HCN3: variants seen among roughly 807,000 people sequenced by gnomAD.
HCN3 encodes the protein hyperpolarization activated cyclic nucleotide gated potassium channel 3.
Under a neutral mutation model 56.8 loss-of-function variants are expected in HCN3, and 36 were observed. The observed-to-expected ratio is 0.63, with a 90% CI of 0.49 to 0.84. The LOEUF is 0.84. Ranked by LOEUF, HCN3 falls within the 40% of genes least tolerant of loss-of-function variation. The pLI, the probability that HCN3 is intolerant of heterozygous loss-of-function variation, is 0.00. For missense variants in HCN3, 930 were observed against 1,079.3 expected (o/e 0.86, Z 1.94); for synonymous variants, 425 against 439.7 (o/e 0.97, Z 0.42).
Position 155,287,923 on chromosome 1 carries a change from G to T in HCN3, c.1785G>T (p.Gln595His). The change falls in exon 8 of 8, where the codon CAG becomes CAT. Residue 595 changes from glutamine (Q) to histidine (H), a missense_variant. Physicochemically the swap from Gln to His is conservative, Grantham distance 24. Coordinates refer to ENST00000368358, the MANE Select transcript of HCN3 (RefSeq NM_020897.3). ...VRGRAPSTGA[Q>H]LSGKPVLWEP... ...GTCGGGCCCCGAGCACAGGAGCTCAGCTTAGTGGAAAGCCAGTACTGTGGG... is the reference window on the plus strand; with the variant it reads ...GTCGGGCCCCGAGCACAGGAGCTCATCTTAGTGGAAAGCCAGTACTGTGGG... The T allele has an allele frequency of 6.2e-7, 1 of 1,614,054 alleles. No homozygotes were observed. Among genetic ancestry groups the T allele is most frequent in the Non-Finnish European group, 8.5e-7 (1 of 1,180,036 alleles).
chr1:155,288,535 G>A lies in HCN3; in HGVS notation c.*72G>A, dbSNP rs577611859. 4.6e-5 allele frequency: 69 copies of A among 1,501,850 alleles called. No homozygotes were observed. Among genetic ancestry groups the A allele is most frequent in the Admixed American group, 3.7e-4 (16 of 43,584 alleles). The allele number at this position is 1,501,850 out of a possible 1,614,324, so 93.0% of individuals were successfully genotyped here. On this transcript the variant is annotated 3_prime_UTR_variant, in exon 8 of 8. Coordinates refer to ENST00000368358, the MANE Select transcript of HCN3 (RefSeq NM_020897.3). The surrounding 1 kb of genome is among the most constrained non-coding windows in gnomAD (Gnocchi z 6.5). ...TACCCAAGGGCAGATGCCTCTTGGGGAAGGCCATGGGGACCTGAAACATTG... is the reference window on the plus strand; with the variant it reads ...TACCCAAGGGCAGATGCCTCTTGGGAAAGGCCATGGGGACCTGAAACATTG...
Position 155,287,794 on chromosome 1 carries a change from C to CAT in HCN3, c.1658_1659dup (p.Leu554TyrfsTer64). Reference sequence around the variant, plus strand: ...TACAACTTCTAGGCAAGAAGAATTCCATACTGCAGCGGAAGCGCTCCGAGC... The same window carrying CAT: ...TACAACTTCTAGGCAAGAAGAATTCCATATACTGCAGCGGAAGCGCTCCGAGC... On this transcript the variant is annotated frameshift_variant, in exon 8 of 8. Coordinates refer to ENST00000368358, the MANE Select transcript of HCN3 (RefSeq NM_020897.3). LOFTEE classifies it high-confidence loss of function. The CAT allele has an allele frequency of 6.3e-7, 1 of 1,585,576 alleles. No homozygotes were observed. The highest frequency in any genetic ancestry group is 2.2e-5 in the East Asian group (1 of 44,498).
rs201129751 is a variant in HCN3, at chr1:155,282,744, A to T, written c.612A>T (p.Ala204=). 92 of 1,614,106 alleles carry T rather than the reference A, an allele frequency of 5.7e-5. No homozygotes were observed. Among genetic ancestry groups the T allele is most frequent in the Admixed American group, 1.2e-4 (7 of 60,016 alleles). The change falls in exon 2 of 8, where the codon GCA becomes GCT. Residue 204 remains alanine, a synonymous_variant. Coordinates refer to ENST00000368358, the MANE Select transcript of HCN3 (RefSeq NM_020897.3). This position sits in a 1 kb window ranked among gnomAD's most constrained non-coding sequence, Gnocchi z 4.7. ...PRLDAEVYKT[A]RALRIVRFTK... The stretch of plus-strand genomic sequence containing the variant: ...TGGACGCTGAGGTCTACAAAACGGC[A>T]CGGGCCCTACGCATCGTTCGCTTCA...
Position 155,284,207 on chromosome 1 carries a change from C to A in HCN3, c.870+72C>A. 1.3e-6 allele frequency: 2 copies of A among 1,543,704 alleles called. No homozygotes were observed. Among genetic ancestry groups the A allele is most frequent in the South Asian group, 1.2e-5 (1 of 85,546 alleles). On this transcript the variant is annotated intron_variant, in intron 3 of 7. Transcript: ENST00000368358. The surrounding 1 kb of genome is among the most constrained non-coding windows in gnomAD (Gnocchi z 4.3). ...CTTCTGCCTGAGTAGCAGGGATGGC[C>A]ACAGGGAGCAGGAGGTGGGAGATGA...
At chr1:155,281,651 G>GA (rs1367071811) in intron 1 of HCN3, among the ~76,000 whole-genome samples, 2 of 152,228 alleles carry the variant, frequency 1.3e-5, no homozygotes, top group African/African-American at 4.8e-5. Context: ...TTACAGGCAT[G>GA]AGTCACCAGG....
Position 155,282,982 on chromosome 1 carries a change from T to G in HCN3, c.708+142T>G, listed in dbSNP as rs1674133337. On this transcript the variant is annotated intron_variant, in intron 2 of 7. Transcript: ENST00000368358. This position sits in a 1 kb window ranked among gnomAD's most constrained non-coding sequence, Gnocchi z 4.7. Reference sequence around the variant, plus strand: ...ATAGTGTGGGGAAGATGGGTGGGGCTTCCGTGCGTGAGCTCTCTCCAAAAC... The same window carrying G: ...ATAGTGTGGGGAAGATGGGTGGGGCGTCCGTGCGTGAGCTCTCTCCAAAAC... The G allele has an allele frequency of 2.4e-6, 2 of 836,936 alleles. No individual in the cohort carries two copies. The highest frequency in any genetic ancestry group is 2.7e-5 in the East Asian group (1 of 37,504). 51.8% of individuals were successfully genotyped at this position (836,936 alleles called of 1,614,324 possible). A position where few individuals can be genotyped will look rare whatever the true frequency, so the allele number is the denominator to read the frequency against.
Position 155,285,084 on chromosome 1 carries a change from C to G in HCN3, c.1090-81C>G. The G allele has an allele frequency of 6.5e-7, 1 of 1,527,670 alleles. No individual in the cohort carries two copies. The highest frequency in any genetic ancestry group is 8.9e-7 in the Non-Finnish European group (1 of 1,120,898). 94.6% of individuals were successfully genotyped at this position (1,527,670 alleles called of 1,614,324 possible). ...TTTGAGTTTGACCTGTGTCTCTGAC[C>G]TTCCGCACACACACCCCACTGTGCC... On this transcript the variant is annotated intron_variant, in intron 4 of 7. Coordinates refer to ENST00000368358, the MANE Select transcript of HCN3 (RefSeq NM_020897.3). This position sits in a 1 kb window ranked among gnomAD's most constrained non-coding sequence, Gnocchi z 4.5.
At position 155,284,169 on chromosome 1, in the gene HCN3, CCTT is replaced by C. The variant is rs761407006; in HGVS notation, c.870+38_870+40del. The stretch of plus-strand genomic sequence containing the variant: ...TCCCCACAGCTCTGCCTTTCCTGGG[CCTT>C]CTTAGGGCTCTTCTGCCTGAGTAGC... On this transcript the variant is annotated intron_variant, in intron 3 of 7. Transcript: ENST00000368358. This position sits in a 1 kb window ranked among gnomAD's most constrained non-coding sequence, Gnocchi z 4.3. 3 of 1,606,886 alleles carry C rather than the reference CCTT, an allele frequency of 1.9e-6. No individual in the cohort carries two copies. The African/African-American group carries it at 4.0e-5, about 21-fold the overall frequency.
chr1:155,284,259 G>T lies in HCN3; in HGVS notation c.870+124G>T. 1.7e-6 allele frequency: 2 copies of T among 1,182,756 alleles called. No individual in the cohort carries two copies. The highest frequency in any genetic ancestry group is 2.5e-5 in the East Asian group (1 of 39,624). The allele number at this position is 1,182,756 out of a possible 1,614,324, so 73.3% of individuals were successfully genotyped here. A position where few individuals can be genotyped will look rare whatever the true frequency, so the allele number is the denominator to read the frequency against. The stretch of plus-strand genomic sequence containing the variant: ...CACAACAGAAAATAGGAGCGAGGAG[G>T]TGGGGAGGAGGGAGGAAAGGGGAAG... On this transcript the variant is annotated intron_variant, in intron 3 of 7. Transcript: ENST00000368358. This position sits in a 1 kb window ranked among gnomAD's most constrained non-coding sequence, Gnocchi z 4.3.
Position 155,277,813 on chromosome 1 carries a change from C to G in HCN3, c.223C>G (p.Gln75Glu). The part of the protein sequence containing the change: ...FGSHKAVEIE[Q>E]ERVKSAGAWI... ...CAGCCACAAAGCAGTGGAAATCGAGCAGGAGCGGGTGAAGTCAGCGGGGGC... is the reference window on the plus strand; with the variant it reads ...CAGCCACAAAGCAGTGGAAATCGAGGAGGAGCGGGTGAAGTCAGCGGGGGC... Residue 75 changes from glutamine (Q) to glutamate (E), a missense_variant, in exon 1 of 8, where the codon CAG becomes GAG. Transcript: ENST00000368358. 6.2e-7 allele frequency: 1 copy of G among 1,612,490 alleles called. No individual in the cohort carries two copies. The highest frequency in any genetic ancestry group is 8.5e-7 in the Non-Finnish European group (1 of 1,179,914).
In HCN3 at chr1:155,286,116, G is replaced by A. The variant is rs552421834; in HGVS notation, c.1477+152G>A. ...ACTCAGTGAGAATCTCTGGGCTGGG[G>A]TCTGGAGCTCTATAGTTTTTGTTTG... On this transcript the variant is annotated intron_variant, in intron 6 of 7. Transcript: ENST00000368358. 69 of 1,117,030 alleles carry A rather than the reference G, an allele frequency of 6.2e-5. No homozygotes were observed. The East Asian group carries it at 1.3e-3, about 21-fold the overall frequency. 69.2% of individuals were successfully genotyped at this position (1,117,030 alleles called of 1,614,324 possible).
Position 155,284,444 on chromosome 1 carries a change from G to A in HCN3, c.871-95G>A. The A allele has an allele frequency of 2.3e-6, 3 of 1,320,296 alleles. No homozygotes were observed. Among genetic ancestry groups the A allele is most frequent in the South Asian group, 1.4e-5 (1 of 71,182 alleles). The allele number at this position is 1,320,296 out of a possible 1,614,324, so 81.8% of individuals were successfully genotyped here. ...CCAGGAGGAAGGCCTGCAGTAGAAG[G>A]GGCAGACAGAAAGACCAAAGAAGGA... is the stretch of plus-strand genomic sequence containing the variant. On this transcript the variant is annotated intron_variant, in intron 3 of 7. Transcript: ENST00000368358. The surrounding 1 kb of genome is among the most constrained non-coding windows in gnomAD (Gnocchi z 4.3).
intron 1 of HCN3, among the ~76,000 whole-genome samples, chr1:155,280,824 G>A (rs1230114120): frequency 3.1e-5 from 4 of 129,632 alleles, no homozygotes; most frequent in Admixed American, 1.8e-4. Flanking sequence ...GCGCAATCTC[G>A]GCTCATGGCA....
chr1:155,279,168 T>A (rs1215252939), intron 1 of HCN3, among the ~76,000 whole-genome samples: 2 of 152,156 alleles, frequency 1.3e-5, no homozygotes, highest in African/African-American at 4.8e-5. Flanking sequence ...GATTTTGCAG[T>A]CCGAGTCAGA....
In HCN3 at chr1:155,285,375, G is replaced by A; in HGVS notation, c.1236+64G>A. 6.3e-7 allele frequency: 1 copy of A among 1,584,100 alleles called. No homozygotes were observed. Among genetic ancestry groups the A allele is most frequent in the Non-Finnish European group, 8.6e-7 (1 of 1,162,852 alleles). On this transcript the variant is annotated intron_variant, in intron 5 of 7. Coordinates refer to ENST00000368358, the MANE Select transcript of HCN3 (RefSeq NM_020897.3). This position sits in a 1 kb window ranked among gnomAD's most constrained non-coding sequence, Gnocchi z 4.5. ...GACCTGGAGTGCTGTCTGGTGGTAGGGGCTATTGGTCAGCAGGTGCTCCTA... is the reference window on the plus strand; with the variant it reads ...GACCTGGAGTGCTGTCTGGTGGTAGAGGCTATTGGTCAGCAGGTGCTCCTA...
intron 7 of HCN3, 133 bp from the exon 8 acceptor site, chr1:155,287,648 T>G: frequency 2.6e-6 from 3 of 1,133,634 alleles, no homozygotes; most frequent in Non-Finnish European, 2.5e-6. Context: ...CATAGCCCCA[T>G]TGCCATACTA....
At position 155,288,103 on chromosome 1, in the gene HCN3, C is replaced by T. The variant is rs776958281; in HGVS notation, c.1965C>T (p.Ser655=). ...SAWRSAGSPA[S]PLVPVRAGPW... ...GGCGCTCAGCAGGCTCTCCAGCTTC[C>T]CCGCTGGTGCCCGTCCGAGCTGGCC... is the stretch of plus-strand genomic sequence containing the variant. Residue 655 remains serine (S), a synonymous_variant, in exon 8 of 8, where the codon TCC becomes TCT. Transcript: ENST00000368358. This position sits in a 1 kb window ranked among gnomAD's most constrained non-coding sequence, Gnocchi z 6.5. The T allele has an allele frequency of 1.2e-6, 2 of 1,607,828 alleles. No individual in the cohort carries two copies. The highest frequency in any genetic ancestry group is 1.7e-5 in the Admixed American group (1 of 59,736).
chr1:155,287,429 C>T (rs1377175785), intron 7 of HCN3, 92 bp downstream of exon 7: 2 of 1,450,952 alleles, frequency 1.4e-6, no homozygotes, highest in Non-Finnish European at 1.9e-6. Context: ...GCTCCAGGGT[C>T]ATATCCCAAT....
Position 155,285,998 on chromosome 1 carries a change from G to A in HCN3, c.1477+34G>A, listed in dbSNP as rs776393595. On this transcript the variant is annotated intron_variant, in intron 6 of 7. Coordinates refer to ENST00000368358, the MANE Select transcript of HCN3 (RefSeq NM_020897.3). The surrounding 1 kb of genome is among the most constrained non-coding windows in gnomAD (Gnocchi z 4.5). The stretch of plus-strand genomic sequence containing the variant: ...GCCTCAGGGAGGGTGGCAGGGTCAC[G>A]AGCAGACAGTGGAGAGGGCAACTGC... 74 of 1,548,862 alleles carry A rather than the reference G, an allele frequency of 4.8e-5. No individual in the cohort carries two copies. Among genetic ancestry groups the A allele is most frequent in the South Asian group, 4.0e-4 (32 of 80,480 alleles).
Sources: allele counts gnomAD v4.1 joint callset (sites outside exome capture counted in the v4.1 genomes callset), GRCh38; gene constraint gnomAD v4.1.1; non-coding constraint Gnocchi (gnomAD v3.1); transcripts MANE v1.5; gene names NCBI Gene and HGNC (gene_info 2026-07-23, HGNC 2026-07-21).